SCAMP5: variants seen among roughly 807,000 people sequenced by gnomAD.
The protein encoded by SCAMP5 is secretory carrier-associated membrane protein 5.
SCAMP5 carries 7 observed loss-of-function variants against 28.3 expected under a neutral mutation model. The ratio of observed to expected loss-of-function variants is 0.25; its 90% CI spans 0.14 to 0.46. The LOEUF (loss-of-function observed/expected upper bound fraction) is 0.46, where lower values mean the gene tolerates loss of function less well. Among genes scored for constraint, SCAMP5 ranks in the 20% least tolerant of loss-of-function variants. The pLI, the probability that SCAMP5 is intolerant of heterozygous loss-of-function variation, is 0.99. For synonymous variants in SCAMP5, 117 were observed against 116.4 expected (o/e 1.00, Z -0.03); for missense variants, 192 against 312.5 (o/e 0.61, Z 2.91).
chr15:75,005,104 G>A (rs922912490), intron 1 of SCAMP5, among the ~76,000 whole-genome samples: 4 of 151,890 alleles, frequency 2.6e-5, no homozygotes, highest in Non-Finnish European at 5.9e-5. Context: ...AAATCTGGGA[G>A]GCAGAGCTTG....
intron 1 of SCAMP5, among the ~76,000 whole-genome samples, chr15:75,003,966 G>T (rs961252541): frequency 6.6e-6 from 1 of 151,328 alleles, no homozygotes; most frequent in Non-Finnish European, 1.5e-5. Flanking sequence ...GAGCAATGGC[G>T]TGATCTCCGC....
chr15:75,012,597 ACAGC>A, intron 2 of SCAMP5, 76 bp from the exon 3 acceptor site: 3 of 1,561,052 alleles, frequency 1.9e-6, no homozygotes, highest in East Asian at 2.2e-5. Flanking sequence ...ATGGGGCAGC[ACAGC>A]CAGGGGAAGG....
At chr15:75,000,026 C>G (rs941809462) in intron 1 of SCAMP5, among the ~76,000 whole-genome samples, 7 of 152,056 alleles carry the variant, frequency 4.6e-5, no homozygotes, top group Non-Finnish European at 8.8e-5. Flanking sequence ...ATATATGATT[C>G]TATATACGTT....
chr15:75,003,945 C>T (rs1322832015), intron 1 of SCAMP5, among the ~76,000 whole-genome samples: 1 of 150,946 alleles, frequency 6.6e-6, no homozygotes, highest in Non-Finnish European at 1.5e-5. Context: ...GCTCTTGTTG[C>T]CCAGGCTGCA....
intron 3 of SCAMP5, among the ~76,000 whole-genome samples, chr15:75,013,386 T>G (rs1452066221): frequency 6.6e-6 from 1 of 152,148 alleles, no homozygotes; most frequent in East Asian, 1.9e-4. Flanking sequence ...TGCAGCTCTG[T>G]GTTGGGTGGT....
intron 1 of SCAMP5, among the ~76,000 whole-genome samples, chr15:75,009,361 A>G (rs919841289): frequency 3.3e-5 from 5 of 151,972 alleles, no homozygotes; most frequent in African/African-American, 1.2e-4. Flanking sequence ...ATTTGATCCC[A>G]TATCACAAAA....
intron 2 of SCAMP5, 106 bp from the exon 3 acceptor site, chr15:75,012,571 G>A: frequency 1.5e-6 from 2 of 1,342,546 alleles, no homozygotes; most frequent in Non-Finnish European, 2.1e-6. Context: ...AGAGTGGCCG[G>A]TGGCCACAGG....
chr15:75,015,813 C>T (rs2065854029), intron 3 of SCAMP5, among the ~76,000 whole-genome samples: 2 of 150,900 alleles, frequency 1.3e-5, no homozygotes, highest in Non-Finnish European at 2.9e-5. Flanking sequence ...GTAATCCCAG[C>T]TACTCAGGAG....
chr15:75,012,779 C>A lies in SCAMP5; in HGVS notation c.110C>A (p.Thr37Asn). 6.2e-7 allele frequency: 1 copy of A among 1,614,016 alleles called. No individual in the cohort carries two copies. Among genetic ancestry groups the A allele is most frequent in the Non-Finnish European group, 8.5e-7 (1 of 1,179,872 alleles). The part of the protein sequence containing the change: ...ADIPPQHVSM[T>N]KRLYYLWMLN... ...ATTCCTCCCCAGCATGTCAGCATGACCAAGCGCCTCTACTACCTCTGGATG... is the reference window on the plus strand; with the variant it reads ...ATTCCTCCCCAGCATGTCAGCATGAACAAGCGCCTCTACTACCTCTGGATG... Residue 37 changes from threonine to asparagine, a missense_variant, in exon 3 of 7, where the codon ACC becomes AAC. Coordinates refer to ENST00000425597, the MANE Select transcript of SCAMP5 (RefSeq NM_138967.4).
At chr15:75,015,554 G>T (rs1007775958) in intron 3 of SCAMP5, among the ~76,000 whole-genome samples, 1 of 152,110 alleles carries the variant, frequency 6.6e-6, no homozygotes, top group Non-Finnish European at 1.5e-5. Context: ...TCTGTAGAAG[G>T]TCAGAGGGAT....
At chr15:75,010,446 A>AAGC (rs1274753071) in intron 1 of SCAMP5, among the ~76,000 whole-genome samples, 1 of 152,138 alleles carries the variant, frequency 6.6e-6, no homozygotes, top group African/African-American at 2.4e-5. Flanking sequence ...GGGTCTCAGG[A>AAGC]AGCACATCCT....
intron 1 of SCAMP5, among the ~76,000 whole-genome samples, chr15:75,006,774 C>CAA (rs111681986): frequency 3.4e-5 from 4 of 115,950 alleles, no homozygotes; most frequent in Admixed American, 8.9e-5. Flanking sequence ...GACTCCATCT[C>CAA]AAAAAAAAAA....
In SCAMP5 at chr15:75,018,463, G is replaced by A. The variant is rs748929504; in HGVS notation, c.441G>A (p.Ser147=). 6 of 1,613,850 alleles carry A rather than the reference G, an allele frequency of 3.7e-6. No individual in the cohort carries two copies. The highest frequency in any genetic ancestry group is 1.7e-4 in the Middle Eastern group (1 of 6,060). The part of the protein sequence containing the change: ...TISFFGTNIG[S]AVVMLIPTVM... ...CCTTCTTCGGAACGAACATTGGCTC[G>A]GCGGTGGTGATGCTAATTCCCACTG... The change falls in exon 6 of 7, where the codon TCG becomes TCA. Residue 147 remains serine, a synonymous_variant. Transcript: ENST00000425597. The surrounding 1 kb of genome is among the most constrained non-coding windows in gnomAD (Gnocchi z 5.6).
chr15:75,015,883 G>A (rs1174042076), intron 3 of SCAMP5, among the ~76,000 whole-genome samples: 2 of 134,708 alleles, frequency 1.5e-5, no homozygotes, highest in Admixed American at 8.6e-5. Flanking sequence ...CTGAGATCGC[G>A]CCACTGCACT....
At chr15:75,004,927 A>T (rs1054109185) in intron 1 of SCAMP5, among the ~76,000 whole-genome samples, 1 of 152,238 alleles carries the variant, frequency 6.6e-6, no homozygotes, top group Non-Finnish European at 1.5e-5. Context: ...CTGTAATCCC[A>T]GTACTTTGGA....
intron 3 of SCAMP5, among the ~76,000 whole-genome samples, chr15:75,014,896 T>A (rs1447152486): frequency 1.3e-5 from 2 of 152,160 alleles, no homozygotes; most frequent in African/African-American, 4.8e-5. Context: ...AAATCAGTTT[T>A]AACACCAAGC....
intron 2 of SCAMP5, 21 bp from the exon 3 acceptor site, chr15:75,012,656 T>C (rs1177574185): frequency 6.2e-7 from 1 of 1,613,806 alleles, no homozygotes; most frequent in East Asian, 2.2e-5. Flanking sequence ...GGTGATGTTG[T>C]GCAATGTGTC....
rs1229368400 is a variant in SCAMP5, at chr15:75,018,006, G to T, written c.395+35G>T. On this transcript the variant is annotated intron_variant, in intron 5 of 6. Coordinates refer to ENST00000425597, the MANE Select transcript of SCAMP5 (RefSeq NM_138967.4). The surrounding 1 kb of genome is among the most constrained non-coding windows in gnomAD (Gnocchi z 5.6). Reference sequence around the variant, plus strand: ...AGGGGTGTGGCCTGGGGCTGGCAGGGGTGGCGTTGTGGGTGTATCTTTTGC... The same window carrying T: ...AGGGGTGTGGCCTGGGGCTGGCAGGTGTGGCGTTGTGGGTGTATCTTTTGC... 6 of 1,386,970 alleles carry T rather than the reference G, an allele frequency of 4.3e-6. No homozygotes were observed. In the Admixed American group the frequency reaches 1.0e-4, roughly 23 times the overall value. The allele number at this position is 1,386,970 out of a possible 1,614,324, so 85.9% of individuals were successfully genotyped here. A position where few individuals can be genotyped will look rare whatever the true frequency, so the allele number is the denominator to read the frequency against.
Position 75,019,716 on chromosome 15 carries a change from A to G in SCAMP5, c.*733A>G, listed in dbSNP as rs2065890151. The stretch of plus-strand genomic sequence containing the variant: ...TCCTGAGACTGAGCCCAGATCCCCA[A>G]ATCTAATCTGATTTACAGTTCAAGG... On this transcript the variant is annotated 3_prime_UTR_variant, in exon 7 of 7. Coordinates refer to ENST00000425597, the MANE Select transcript of SCAMP5 (RefSeq NM_138967.4). 6.6e-6 allele frequency: 1 copy of G among 152,560 alleles called. No individual in the cohort carries two copies. The highest frequency in any genetic ancestry group is 2.4e-5 in the African/African-American group (1 of 41,392). The allele number at this position is 152,560 out of a possible 1,614,324, so 9.5% of individuals were successfully genotyped here.
Sources: gnomAD v4.1 joint callset for allele counts (sites outside exome capture counted in the v4.1 genomes callset) on GRCh38, gnomAD v4.1.1 for gene constraint, Gnocchi (gnomAD v3.1) non-coding constraint, MANE v1.5 for transcripts, NCBI Gene and HGNC (gene_info 2026-07-23, HGNC 2026-07-21) for gene names.